The following SHC4 variants were observed in gnomAD, a reference collection of about 807,000 sequenced individuals.
The protein encoded by SHC4 is SHC adaptor protein 4.
A neutral mutation model predicts 69.4 loss-of-function variants in SHC4; 41 were observed. The observed-to-expected ratio is 0.59, with a 90% CI of 0.46 to 0.77. SHC4 has a LOEUF of 0.77. Ranked by LOEUF, SHC4 falls within the 30% of genes least tolerant of loss-of-function variation. The probability of loss-of-function intolerance (pLI) is 0.00; values close to 1 mark genes in which losing one functional copy is unlikely to be tolerated. For missense variants in SHC4, 777 were observed against 783.8 expected (o/e 0.99, Z 0.10); for synonymous variants, 318 against 299.3 (o/e 1.06, Z -0.64).
intron 1 of SHC4, chr15:48,947,160 A>G (rs1766865796): frequency 6.6e-6 from 1 of 152,224 alleles, no homozygotes; most frequent in African/African-American, 2.4e-5. Context: ...TTTGGCCAAA[A>G]TGAGTATCTT....
At chr15:48,899,668 T>C (rs1200801251) in intron 2 of SHC4, among the ~76,000 whole-genome samples, 1 of 152,142 alleles carries the variant, frequency 6.6e-6, no homozygotes, top group Non-Finnish European at 1.5e-5. Context: ...TTTTTTTAAA[T>C]GTGTGTGCAC....
chr15:48,827,564 T>C (rs1226043638), intron 11 of SHC4, among the ~76,000 whole-genome samples: 1 of 58,016 alleles, frequency 1.7e-5, no homozygotes, highest in Non-Finnish European at 3.9e-5. Context: ...TGCCTCAGGC[T>C]GTCACTACTT....
chr15:48,898,023 G>T (rs971978192), intron 2 of SHC4, among the ~76,000 whole-genome samples: 8 of 152,158 alleles, frequency 5.3e-5, no homozygotes, highest in African/African-American at 1.9e-4. Flanking sequence ...AAATGTCTTG[G>T]ATTGCCTTCT....
At chr15:48,937,772 A>G (rs189279342) in intron 1 of SHC4, among the ~76,000 whole-genome samples, 33 of 152,310 alleles carry the variant, frequency 2.2e-4, no homozygotes, top group African/African-American at 7.2e-4. Context: ...GCTGCATCCA[A>G]TACCTAAGAC....
At chr15:48,901,814 T>A (rs1900323244) in intron 2 of SHC4, among the ~76,000 whole-genome samples, 1 of 152,198 alleles carries the variant, frequency 6.6e-6, no homozygotes, top group South Asian at 2.1e-4. Flanking sequence ...TCCTTAAATA[T>A]AAAAAGTAAG....
chr15:48,876,048 A>C (rs933605735), intron 4 of SHC4, among the ~76,000 whole-genome samples: 1 of 152,218 alleles, frequency 6.6e-6, no homozygotes, highest in Non-Finnish European at 1.5e-5. Context: ...TTTTGAGTTA[A>C]GAGAGCTGCT....
chr15:48,924,911 T>C lies in SHC4; in HGVS notation c.624A>G (p.Ser208=), dbSNP rs1410493910. The C allele has an allele frequency of 1.2e-6, 2 of 1,614,118 alleles. No individual in the cohort carries two copies. The highest frequency in any genetic ancestry group is 1.7e-5 in the Admixed American group (1 of 60,016). ...CTTGGGTTCTCATTCCAAAATCCAG[T>C]GATCTCATTGATTGCAGCACTTCAA... ...GCVEVLQSMR[S]LDFGMRTQVT... The change falls in exon 2 of 12, where the codon TCA becomes TCG. Residue 208 remains serine (S), a synonymous_variant. Transcript: ENST00000332408.
chr15:48,906,780 C>CT (rs1900413008), intron 2 of SHC4, among the ~76,000 whole-genome samples: 1 of 152,128 alleles, frequency 6.6e-6, no homozygotes, highest in Non-Finnish European at 1.5e-5. Flanking sequence ...AAGGAATTCC[C>CT]TTTTTTGCTT....
intron 1 of SHC4, among the ~76,000 whole-genome samples, chr15:48,943,284 C>T (rs1901208993): frequency 6.6e-6 from 1 of 152,098 alleles, no homozygotes; most frequent in Non-Finnish European, 1.5e-5. Flanking sequence ...CCTTGTAACC[C>T]CTGTTCTACT....
intron 2 of SHC4, among the ~76,000 whole-genome samples, chr15:48,914,313 G>A (rs1295030465): frequency 6.6e-6 from 1 of 152,192 alleles, no homozygotes; most frequent in Non-Finnish European, 1.5e-5. Flanking sequence ...GTGAGTACAT[G>A]GGTTTGAGTC....
intron 2 of SHC4, among the ~76,000 whole-genome samples, chr15:48,908,993 A>C (rs1900460191): frequency 6.6e-6 from 1 of 151,968 alleles, no homozygotes; most frequent in African/African-American, 2.4e-5. Context: ...ATGCCTCCAG[A>C]TTTGTTCTTT....
chr15:48,914,303 G>A (rs989139091), intron 2 of SHC4, among the ~76,000 whole-genome samples: 21 of 152,350 alleles, frequency 1.4e-4, no homozygotes, highest in Admixed American at 7.2e-4. Flanking sequence ...GATTTGGAGT[G>A]TGAGTACATG....
intron 10 of SHC4, among the ~76,000 whole-genome samples, chr15:48,842,620 T>C (rs1275226558): frequency 6.6e-6 from 1 of 152,038 alleles, no homozygotes; most frequent in African/African-American, 2.4e-5. Context: ...TACAATTAGT[T>C]AAATAGTAGC....
At chr15:48,846,472 C>T (rs971406410) in intron 9 of SHC4, among the ~76,000 whole-genome samples, 1 of 152,174 alleles carries the variant, frequency 6.6e-6, no homozygotes, top group Non-Finnish European at 1.5e-5. Flanking sequence ...TATGCTCCCC[C>T]TCCTTTACTT....
At chr15:48,888,168 G>A (rs184890433) in intron 3 of SHC4, among the ~76,000 whole-genome samples, 1 of 152,300 alleles carries the variant, frequency 6.6e-6, no homozygotes, top group Non-Finnish European at 1.5e-5. Flanking sequence ...TGTAACTCAT[G>A]TTCATAGCAG....
At chr15:48,836,177 T>C (rs1898895613) in intron 10 of SHC4, among the ~76,000 whole-genome samples, 1 of 151,978 alleles carries the variant, frequency 6.6e-6, no homozygotes. Flanking sequence ...TGGGCGACAG[T>C]GAGACCCTGC....
At chr15:48,875,183 T>A (rs976226310) in intron 4 of SHC4, among the ~76,000 whole-genome samples, 30 of 129,982 alleles carry the variant, frequency 2.3e-4, no homozygotes, top group Non-Finnish European at 4.5e-4. Context: ...GCATAACATG[T>A]AGCAAGTGGC....
At chr15:48,923,557 A>G (rs1460591663) in intron 2 of SHC4, among the ~76,000 whole-genome samples, 11 of 150,746 alleles carry the variant, frequency 7.3e-5, no homozygotes, top group Non-Finnish European at 7.4e-5. Flanking sequence ...AAAAAAAAAA[A>G]AAACAAAAAA....
intron 2 of SHC4, among the ~76,000 whole-genome samples, chr15:48,916,883 A>G (rs1335806420): frequency 2.0e-5 from 3 of 152,250 alleles, no homozygotes; most frequent in South Asian, 2.1e-4. Context: ...ACTAAATATC[A>G]GAAAAGTACA....
Sources: gnomAD v4.1 joint callset for allele counts (sites outside exome capture counted in the v4.1 genomes callset) on GRCh38, gnomAD v4.1.1 for gene constraint, MANE v1.5 for transcripts, NCBI Gene and HGNC (gene_info 2026-07-23, HGNC 2026-07-21) for gene names.